Variants in CPNE4 observed in about 807,000 individuals in gnomAD.
CPNE4 encodes the protein copine-4.
CPNE4 carries 25 observed loss-of-function variants against 67.9 expected under a neutral mutation model. That is an observed-to-expected ratio of 0.37 (90% confidence interval 0.27 to 0.51). The LOEUF (loss-of-function observed/expected upper bound fraction) is 0.51. Ranked by LOEUF, CPNE4 falls within the 20% of genes least tolerant of loss-of-function variation. The pLI is 0.93. For synonymous variants in CPNE4, 242 were observed against 244.9 expected (o/e 0.99, Z 0.11); for missense variants, 464 against 690.8 (o/e 0.67, Z 3.68).
At chr3:131,894,848 T>C (rs1288658875) in intron 2 of CPNE4, among the ~76,000 whole-genome samples, 1 of 151,984 alleles carries the variant, frequency 6.6e-6, no homozygotes, top group African/African-American at 2.4e-5. Flanking sequence ...TATCCAGCAA[T>C]CCCACTACCA....
At chr3:131,962,422 C>T (rs765138920) in intron 1 of CPNE4, among the ~76,000 whole-genome samples, 6 of 152,130 alleles carry the variant, frequency 3.9e-5, no homozygotes, top group Non-Finnish European at 8.8e-5. Flanking sequence ...ACATGCAATG[C>T]ACCACCACCA....
rs1939940761 is a variant in CPNE4, at chr3:131,613,052, T to C, written c.682-25470A>G. 2.6e-5 allele frequency among the ~76,000 whole-genome samples: 4 copies of C among 152,220 alleles called. No individual in the cohort carries two copies. In the South Asian group the frequency reaches 8.3e-4, roughly 32 times the overall value. ...GTCTTTCAGAGACATTTGGTTTGAA[T>C]GATCTGGTCTTGTCACAGCTTGGCC... On this transcript the variant is annotated intron_variant, in intron 7 of 15. Coordinates refer to ENST00000429747, the MANE Select transcript of CPNE4 (RefSeq NM_130808.3).
At position 132,002,132 on chromosome 3, in the gene CPNE4, C is replaced by T. The variant is rs939560398; in HGVS notation, c.-2+32435G>A. On this transcript the variant is annotated intron_variant, in intron 1 of 15. Coordinates refer to ENST00000429747, the MANE Select transcript of CPNE4 (RefSeq NM_130808.3). ...TATCATCACCTCTGGCACCCACACC[C>T]ACTATGGTGATAGCCCCCATGTCTG... is the stretch of plus-strand genomic sequence containing the variant. 3.9e-5 allele frequency among the ~76,000 whole-genome samples: 6 copies of T among 152,276 alleles called. No homozygotes were observed. In the East Asian group the frequency reaches 1.2e-3, roughly 29 times the overall value.
chr3:131,844,823 T>G (rs1250559727), intron 2 of CPNE4, among the ~76,000 whole-genome samples: 1 of 152,214 alleles, frequency 6.6e-6, no homozygotes, highest in Non-Finnish European at 1.5e-5. Flanking sequence ...GCATCTTCCT[T>G]AGCCTCAACC....
chr3:131,905,039 A>T (rs780837582), intron 2 of CPNE4, among the ~76,000 whole-genome samples: 2 of 152,102 alleles, frequency 1.3e-5, no homozygotes, highest in Non-Finnish European at 2.9e-5. Context: ...CTTGGTAATT[A>T]ACAAAAACAC....
At chr3:131,685,078 A>T (rs1012784700) in intron 6 of CPNE4, among the ~76,000 whole-genome samples, 1 of 152,206 alleles carries the variant, frequency 6.6e-6, no homozygotes, top group Non-Finnish European at 1.5e-5. Flanking sequence ...TCAGAGTCAA[A>T]CAACCTCAAT....
At chr3:131,820,811 G>A (rs2084935291) in intron 2 of CPNE4, among the ~76,000 whole-genome samples, 1 of 152,168 alleles carries the variant, frequency 6.6e-6, no homozygotes, top group Admixed American at 6.5e-5. Flanking sequence ...GAAGAAACAA[G>A]TGCAGAGAGT....
intron 2 of CPNE4, among the ~76,000 whole-genome samples, chr3:131,809,016 T>C (rs2084427191): frequency 6.6e-6 from 1 of 152,168 alleles, no homozygotes; most frequent in Non-Finnish European, 1.5e-5. Flanking sequence ...AGTGTAGACA[T>C]ATATGCTTGT....
At position 131,824,905 on chromosome 3, in the gene CPNE4, T is replaced by C. The variant is rs147467435; in HGVS notation, c.180+80359A>G. ...ACATTCCTCATAGCAGCATGGAATC[T>C]TGAAGTCTTAAAGGAACTACTCAAG... On this transcript the variant is annotated intron_variant, in intron 2 of 15. Coordinates refer to ENST00000429747, the MANE Select transcript of CPNE4 (RefSeq NM_130808.3). Among the ~76,000 whole-genome samples the C allele has an allele frequency of 7.0e-3, 1,060 of 152,212 alleles. 6 individuals are homozygous for C. The highest frequency in any genetic ancestry group is 0.012 in the Non-Finnish European group (786 of 68,012).
chr3:131,626,115 C>T (rs556674565), intron 7 of CPNE4, among the ~76,000 whole-genome samples: 3 of 152,292 alleles, frequency 2.0e-5, no homozygotes, highest in Non-Finnish European at 2.9e-5. Flanking sequence ...CTCTCCCTCT[C>T]CTTGGGCCTT....
rs1194541648 is a variant in CPNE4, at chr3:131,992,940, T to A, written c.-2+41627A>T. 2.9e-5 allele frequency among the ~76,000 whole-genome samples: 4 copies of A among 136,288 alleles called. 1 individual carries two copies. The highest frequency in any genetic ancestry group is 6.7e-5 in the Non-Finnish European group (4 of 60,094). 89.4% of individuals were successfully genotyped at this position (136,288 alleles called of 152,430 possible). A position where few individuals can be genotyped will look rare whatever the true frequency, so the allele number is the denominator to read the frequency against. ...TTCCCCTTCTGCCATGATTGTAAGT[T>A]TCCTGAGGCCTCCTTAGCCACGCTG... On this transcript the variant is annotated intron_variant, in intron 1 of 15. Transcript: ENST00000429747.
intron 2 of CPNE4, among the ~76,000 whole-genome samples, chr3:131,850,265 A>G (rs1305406547): frequency 6.6e-6 from 1 of 152,100 alleles, no homozygotes; most frequent in Non-Finnish European, 1.5e-5. Flanking sequence ...GGGTTATGAC[A>G]TCTCCAGAAA....
intron 3 of CPNE4, among the ~76,000 whole-genome samples, chr3:131,710,453 G>GT (rs2107721383): frequency 6.6e-6 from 1 of 152,286 alleles, no homozygotes; most frequent in African/African-American, 2.4e-5. Context: ...TCTGTGGGCA[G>GT]TTTTACAGTG....
intron 1 of CPNE4, among the ~76,000 whole-genome samples, chr3:131,994,361 A>G (rs1043039524): frequency 7.4e-6 from 1 of 136,036 alleles, no homozygotes; most frequent in Non-Finnish European, 1.7e-5. Flanking sequence ...CCAAACTTCA[A>G]GTATAATGAA....
intron 1 of CPNE4, among the ~76,000 whole-genome samples, chr3:131,968,456 C>T (rs1488216954): frequency 6.6e-6 from 1 of 152,150 alleles, no homozygotes; most frequent in African/African-American, 2.4e-5. Context: ...TGCAATCTCT[C>T]CATCTGACAA....
intron 2 of CPNE4, among the ~76,000 whole-genome samples, chr3:131,775,322 C>G (rs1461706801): frequency 6.6e-6 from 1 of 152,020 alleles, no homozygotes; most frequent in Non-Finnish European, 1.5e-5. Context: ...TTTCAGTTAT[C>G]ATTTTCTTTT....
At position 131,653,428 on chromosome 3, in the gene CPNE4, G is replaced by A. The variant is rs552589365; in HGVS notation, c.681+16247C>T. ...CTCCCAAAGTGCTGGGATTACAGGC[G>A]TGAGCCACCGCGCCTGGCCACTGAT... On this transcript the variant is annotated intron_variant, in intron 7 of 15. Coordinates refer to ENST00000429747, the MANE Select transcript of CPNE4 (RefSeq NM_130808.3). Among the ~76,000 whole-genome samples, 155 of 152,100 alleles carry A rather than the reference G, an allele frequency of 1.0e-3. 1 individual carries two copies. Among genetic ancestry groups the A allele is most frequent in the African/African-American group, 3.3e-3 (137 of 41,506 alleles).
intron 2 of CPNE4, among the ~76,000 whole-genome samples, chr3:131,762,866 G>A (rs2082923128): frequency 6.7e-6 from 1 of 149,184 alleles, no homozygotes; most frequent in Non-Finnish European, 1.5e-5. Context: ...GGTTTATTAT[G>A]GTTTTTTTTC....
At chr3:131,769,565 A>T (rs190687996) in intron 2 of CPNE4, among the ~76,000 whole-genome samples, 1 of 152,304 alleles carries the variant, frequency 6.6e-6, no homozygotes, top group East Asian at 1.9e-4. Context: ...GATAACCTGT[A>T]TAGGAGGCGA....
Sources: gnomAD v4.1 joint callset for allele counts (sites outside exome capture counted in the v4.1 genomes callset) on GRCh38, gnomAD v4.1.1 for gene constraint, MANE v1.5 for transcripts, NCBI Gene and HGNC (gene_info 2026-07-23, HGNC 2026-07-21) for gene names.